CEP170: variants seen among roughly 807,000 people sequenced by gnomAD.
CEP170 encodes the protein centrosomal protein of 170 kDa.
A neutral mutation model predicts 151.9 loss-of-function variants in CEP170; 21 were observed. The ratio of observed to expected loss-of-function variants is 0.14; its 90% CI spans 0.10 to 0.20. The LOEUF is 0.20. Among genes scored for constraint, CEP170 ranks in the 10% least tolerant of loss-of-function variants. The probability of loss-of-function intolerance (pLI) is 1.00; values close to 1 mark genes in which losing one functional copy is unlikely to be tolerated. For missense variants in CEP170, 964 were observed against 1,892.9 expected (o/e 0.51, Z 9.11); for synonymous variants, 356 against 648.8 (o/e 0.55, Z 6.86).
intron 10 of CEP170, among the ~76,000 whole-genome samples, chr1:243,180,241 A>T (rs1297911585): frequency 2.0e-5 from 3 of 152,180 alleles, no homozygotes; most frequent in African/African-American, 7.2e-5. Context: ...AATAAATAGA[A>T]TTTCATACAA....
chr1:243,141,271 T>C (rs2148310194), intron 15 of CEP170, among the ~76,000 whole-genome samples: 1 of 152,208 alleles, frequency 6.6e-6, no homozygotes, highest in African/African-American at 2.4e-5. Flanking sequence ...AAGAGACAGA[T>C]AATAAAACCT....
chr1:243,142,847 C>T (rs2056017277), intron 14 of CEP170, among the ~76,000 whole-genome samples: 2 of 152,142 alleles, frequency 1.3e-5, no homozygotes, highest in Non-Finnish European at 2.9e-5. Context: ...ATTCACTAAC[C>T]TCTAAGTGAC....
At chr1:243,221,580 A>T in intron 3 of CEP170, 144 bp downstream of exon 3, 1 of 750,380 alleles carries the variant, frequency 1.3e-6, no homozygotes, top group African/African-American at 1.8e-5. Context: ...GATGGTCCCC[A>T]AAGTGCTATG....
chr1:243,145,219 C>CT, intron 14 of CEP170, among the ~76,000 whole-genome samples: 1 of 152,286 alleles, frequency 6.6e-6, no homozygotes, highest in East Asian at 1.9e-4. Flanking sequence ...AACTATCAGA[C>CT]TTCATTGATT....
chr1:243,203,674 T>C (rs2061210662), intron 4 of CEP170, among the ~76,000 whole-genome samples: 1 of 152,088 alleles, frequency 6.6e-6, no homozygotes, highest in African/African-American at 2.4e-5. Flanking sequence ...ATTAATATAT[T>C]TCATACATGT....
chr1:243,181,365 A>G (rs1004524485), intron 10 of CEP170, among the ~76,000 whole-genome samples: 3 of 152,170 alleles, frequency 2.0e-5, no homozygotes, highest in Non-Finnish European at 4.4e-5. Flanking sequence ...GTCTTTATCA[A>G]TATCAGGTAT....
At chr1:243,137,192 G>A (rs2055193457) in intron 16 of CEP170, among the ~76,000 whole-genome samples, 1 of 152,234 alleles carries the variant, frequency 6.6e-6, no homozygotes, top group Non-Finnish European at 1.5e-5. Context: ...ATGGGCTGAA[G>A]TTTGCCAAGC....
rs541929977 is a variant in CEP170, at chr1:243,156,202, A to T, written c.3911+19T>A. 6.4e-7 allele frequency: 1 copy of T among 1,565,592 alleles called. No individual in the cohort carries two copies. Among genetic ancestry groups the T allele is most frequent in the Non-Finnish European group, 8.7e-7 (1 of 1,154,818 alleles). The stretch of plus-strand genomic sequence containing the variant: ...TCATAGAAATTTTGAATTCTTAAAG[A>T]TAAGTCCTGAAAACCAACCTGGCTA... On this transcript the variant is annotated intron_variant, in intron 14 of 19. Transcript: ENST00000366542.
At chr1:243,250,069 C>CA (rs887295590) in intron 1 of CEP170, among the ~76,000 whole-genome samples, 1 of 151,766 alleles carries the variant, frequency 6.6e-6, no homozygotes, top group Non-Finnish European at 1.5e-5. Flanking sequence ...GACTCCGTCT[C>CA]AAAAAAACAA....
chr1:243,249,384 C>A (rs959270482), intron 1 of CEP170, among the ~76,000 whole-genome samples: 2 of 151,520 alleles, frequency 1.3e-5, no homozygotes, highest in Non-Finnish European at 2.9e-5. Context: ...TGCCCCTGTA[C>A]CCCATCCTGG....
chr1:243,150,084 T>TTTTATTTTA (rs2056913044), intron 14 of CEP170, among the ~76,000 whole-genome samples: 1 of 152,156 alleles, frequency 6.6e-6, no homozygotes, highest in Non-Finnish European at 1.5e-5. Context: ...AAAAGCTTTT[T>TTTTATTTTA]GTCTTACAAT....
intron 10 of CEP170, among the ~76,000 whole-genome samples, chr1:243,181,112 C>T (rs2059590932): frequency 6.6e-6 from 1 of 152,104 alleles, no homozygotes; most frequent in Non-Finnish European, 1.5e-5. Context: ...TCCTATTTAG[C>T]TTAGGAGGTT....
rs147189619 is a variant in CEP170 at position 243,160,009 on chromosome 1, G to A, written c.3677-3554C>T. The stretch of plus-strand genomic sequence containing the variant: ...TCACCATGTTGGCCAGGCTGATCTC[G>A]AACTCCTGACATCAGGTAAACCATC... On this transcript the variant is annotated intron_variant, in intron 13 of 19. Transcript: ENST00000366542. Among the ~76,000 whole-genome samples, 50 of 152,002 alleles carry A rather than the reference G, an allele frequency of 3.3e-4. No homozygotes were observed. The East Asian group carries it at 9.3e-3, about 28-fold the overall frequency.
intron 1 of CEP170, among the ~76,000 whole-genome samples, chr1:243,249,397 G>A (rs967886429): frequency 6.6e-6 from 1 of 151,016 alleles, no homozygotes; most frequent in Admixed American, 6.7e-5. Flanking sequence ...CATCCTGGGC[G>A]ACAGAACAAG....
At chr1:243,202,035 T>C (rs1251686202) in intron 4 of CEP170, among the ~76,000 whole-genome samples, 2 of 152,138 alleles carry the variant, frequency 1.3e-5, no homozygotes. Context: ...ATTGCAAACA[T>C]ATGGAATCAA....
intron 14 of CEP170, among the ~76,000 whole-genome samples, chr1:243,150,144 G>A (rs1435171316): frequency 1.3e-5 from 2 of 152,124 alleles, no homozygotes; most frequent in East Asian, 3.8e-4. Context: ...GAGACTGATA[G>A]GTGTTCCGTG....
intron 3 of CEP170, among the ~76,000 whole-genome samples, chr1:243,219,264 T>C (rs2062582345): frequency 6.6e-6 from 1 of 152,234 alleles, no homozygotes; most frequent in African/African-American, 2.4e-5. Flanking sequence ...TGAAGCAAGA[T>C]TCTGCATTGC....
intron 10 of CEP170, among the ~76,000 whole-genome samples, chr1:243,181,350 A>T (rs1237314245): frequency 6.6e-6 from 1 of 152,182 alleles, no homozygotes; most frequent in Non-Finnish European, 1.5e-5. Context: ...TGTAAAACTT[A>T]AGAGGTCTTT....
intron 8 of CEP170, among the ~76,000 whole-genome samples, chr1:243,190,640 A>G (rs1378951524): frequency 6.6e-6 from 1 of 152,198 alleles, no homozygotes; most frequent in Non-Finnish European, 1.5e-5. Flanking sequence ...CAGAATCTAG[A>G]TATTGATCTC....
Sources: gnomAD v4.1 joint callset for allele counts (sites outside exome capture counted in the v4.1 genomes callset) on GRCh38, gnomAD v4.1.1 for gene constraint, MANE v1.5 for transcripts, NCBI Gene and HGNC (gene_info 2026-07-23, HGNC 2026-07-21) for gene names.